The following MAP3K13 variants were observed in gnomAD, a reference collection of about 807,000 sequenced individuals.
MAP3K13 encodes the protein leucine zipper-bearing kinase.
Under a neutral mutation model 104.0 loss-of-function variants are expected in MAP3K13, and 52 were observed. The observed-to-expected ratio is 0.50, with a 90% CI of 0.40 to 0.63. MAP3K13 has a LOEUF of 0.63. MAP3K13 is among the 20% of genes least tolerant of loss of function. The pLI is 0.00. For missense variants in MAP3K13, 914 were observed against 1,218.5 expected, an observed-to-expected ratio of 0.75 and a Z score of 3.72; for synonymous variants, 394 against 442.2, an observed-to-expected ratio of 0.89 and a Z score of 1.37.
intron 1 of MAP3K13, among the ~76,000 whole-genome samples, chr3:185,398,183 C>T (rs1432556282): frequency 6.6e-6 from 1 of 151,996 alleles, no homozygotes; most frequent in Non-Finnish European, 1.5e-5. Context: ...ACAAGCAATG[C>T]TGTCTGTTCT....
chr3:185,352,877 G>A (rs1011168836), intron 2 of MAP3K13, among the ~76,000 whole-genome samples: 13 of 152,210 alleles, frequency 8.5e-5, no homozygotes, highest in African/African-American at 3.1e-4. Flanking sequence ...TGGAACCTAT[G>A]AAGTAAAAGT....
At chr3:185,427,372 G>GA (rs369398926) in intron 1 of MAP3K13, among the ~76,000 whole-genome samples, 312 of 149,724 alleles carry the variant, frequency 2.1e-3, no homozygotes, top group African/African-American at 5.0e-3. Context: ...TCAAAAAAAA[G>GA]AAAAAAAAAC....
At chr3:185,454,943 A>AGATATATATAT (rs1716325973) in intron 7 of MAP3K13, among the ~76,000 whole-genome samples, 1 of 95,942 alleles carries the variant, frequency 1.0e-5, no homozygotes. Flanking sequence ...TATATATATG[A>AGATATATATAT]GATATATATG....
At chr3:185,404,004 TG>T (rs1388581754) in intron 1 of MAP3K13, among the ~76,000 whole-genome samples, 1 of 152,216 alleles carries the variant, frequency 6.6e-6, no homozygotes, top group Non-Finnish European at 1.5e-5. Context: ...CAGATAACAA[TG>T]GGATCATTTA....
chr3:185,471,605 G>T (rs535689887), intron 10 of MAP3K13, among the ~76,000 whole-genome samples: 1 of 151,446 alleles, frequency 6.6e-6, no homozygotes, highest in Non-Finnish European at 1.5e-5. Context: ...GATTACAGGC[G>T]CCCACCACCA....
rs1716507063 is a variant in MAP3K13, at chr3:185,455,451, T to TAC, written c.1278+4057_1278+4058insCA. Among the ~76,000 whole-genome samples, 6 of 117,634 alleles carry TAC rather than the reference T, an allele frequency of 5.1e-5. No individual in the cohort carries two copies. In the East Asian group the frequency reaches 1.1e-3, roughly 22 times the overall value. 77.2% of individuals were successfully genotyped at this position (117,634 alleles called of 152,430 possible). On this transcript the variant is annotated intron_variant, in intron 7 of 13. Coordinates refer to ENST00000265026, the MANE Select transcript of MAP3K13 (RefSeq NM_004721.5). ...ATATATGAGATATATATATGAGATA[T>TAC]ATATCATATATATGAGATATATACA...
chr3:185,285,712 T>C (rs1720484217), intron 2 of MAP3K13: 2 of 1,310,590 alleles, frequency 1.5e-6, no homozygotes, highest in African/African-American at 1.5e-5. Context: ...TAGGAAATTA[T>C]AGGATTGTAA....
chr3:185,335,947 A>C (rs1722485515), intron 2 of MAP3K13, among the ~76,000 whole-genome samples: 1 of 152,064 alleles, frequency 6.6e-6, no homozygotes, highest in African/African-American at 2.4e-5. Context: ...CTATAGTCCT[A>C]GTTCCTAATG....
intron 2 of MAP3K13, among the ~76,000 whole-genome samples, chr3:185,343,274 G>A (rs1185980294): frequency 6.6e-6 from 1 of 152,188 alleles, no homozygotes; most frequent in Non-Finnish European, 1.5e-5. Flanking sequence ...TAAGGATCAT[G>A]AGGGGCACCT....
chr3:185,326,322 A>G (rs1406694292), intron 2 of MAP3K13, among the ~76,000 whole-genome samples: 1 of 152,056 alleles, frequency 6.6e-6, no homozygotes, highest in Non-Finnish European at 1.5e-5. Flanking sequence ...CATATACTTA[A>G]AAGCCTCAAA....
intron 7 of MAP3K13, among the ~76,000 whole-genome samples, chr3:185,459,971 TGTTC>T (rs1233656050): frequency 6.6e-6 from 1 of 152,200 alleles, no homozygotes. Flanking sequence ...GTACAATATT[TGTTC>T]GTTTGTGCCT....
In MAP3K13 at chr3:185,415,573, A is replaced by ATTTTTTTTTTTTTTTTTTTTTTT. The variant is rs34633048; in HGVS notation, c.-85-12921_-85-12920insTTTTTTTTTTTTTTTTTTTTTTT. On this transcript the variant is annotated intron_variant, in intron 1 of 13. Coordinates refer to ENST00000265026, the MANE Select transcript of MAP3K13 (RefSeq NM_004721.5). ...CACAGTATTAAAACCAGAAGGGTTA[A>ATTTTTTTTTTTTTTTTTTTTTTT]TTTCTTTTTTTTTTTTTTTTTTTTT... is the stretch of plus-strand genomic sequence containing the variant. 2.5e-5 allele frequency among the ~76,000 whole-genome samples: 3 copies of ATTTTTTTTTTTTTTTTTTTTTTT among 119,452 alleles called. 1 individual carries two copies. Among genetic ancestry groups the ATTTTTTTTTTTTTTTTTTTTTTT allele is most frequent in the Non-Finnish European group, 5.1e-5 (3 of 59,192 alleles). The allele number at this position is 119,452 out of a possible 152,430, so 78.4% of individuals were successfully genotyped here.
In MAP3K13 at chr3:185,422,532, A is replaced by G. The variant is rs905576111; in HGVS notation, c.-85-5965A>G. ...CTGTTAGAGATAGGAAAAAAATTAC[A>G]AAACAAACATGTGTTTTTCTAACTT... On this transcript the variant is annotated intron_variant, in intron 1 of 13. Transcript: ENST00000265026. 4.6e-5 allele frequency among the ~76,000 whole-genome samples: 7 copies of G among 152,362 alleles called. No homozygotes were observed. The Middle Eastern group carries it at 0.01, about 222-fold the overall frequency.
rs1378554264 is a variant in MAP3K13, at chr3:185,455,056, T to C, written c.1278+3661T>C. Among the ~76,000 whole-genome samples the C allele has an allele frequency of 2.4e-3, 226 of 92,452 alleles. 27 individuals are homozygous for C. The highest frequency in any genetic ancestry group is 0.033 in the Middle Eastern group (2 of 60). The allele number at this position is 92,452 out of a possible 152,430, so 60.7% of individuals were successfully genotyped here. A position where few individuals can be genotyped will look rare whatever the true frequency, so the allele number is the denominator to read the frequency against. Reference sequence around the variant, plus strand: ...ATATATGATATATATATGAGATATATGTGAGATATATATGAGATATATGTG... The same window carrying C: ...ATATATGATATATATATGAGATATACGTGAGATATATATGAGATATATGTG... On this transcript the variant is annotated intron_variant, in intron 7 of 13. Transcript: ENST00000265026.
chr3:185,316,698 G>C (rs1400732313), intron 2 of MAP3K13, among the ~76,000 whole-genome samples: 4 of 152,206 alleles, frequency 2.6e-5, no homozygotes, highest in Admixed American at 2.6e-4. Context: ...AGGAATGGAA[G>C]AGAGAAGTCC....
intron 11 of MAP3K13, among the ~76,000 whole-genome samples, chr3:185,476,033 C>T (rs1046065828): frequency 6.6e-6 from 1 of 152,066 alleles, no homozygotes; most frequent in Non-Finnish European, 1.5e-5. Context: ...TGCTTTTTAT[C>T]CACAGAGCTG....
At chr3:185,383,561 CAA>C (rs34255859) in intron 1 of MAP3K13, among the ~76,000 whole-genome samples, 6,714 of 91,116 alleles carry the variant, frequency 0.074, 203 homozygotes, top group East Asian at 0.23. Flanking sequence ...GACTCTGTCT[CAA>C]AAAAAAAAAA....
intron 2 of MAP3K13, among the ~76,000 whole-genome samples, chr3:185,327,321 A>C (rs1722073212): frequency 6.6e-6 from 1 of 152,194 alleles, no homozygotes. Context: ...CCCATTTCAA[A>C]GTCCTTAAAC....
chr3:185,399,626 C>CGGGGCGGGGGG (rs1452317066), intron 1 of MAP3K13, among the ~76,000 whole-genome samples: 8 of 312 alleles, frequency 0.026, 1 homozygote, highest in Admixed American at 0.056. Flanking sequence ...GAGAGAAAGG[C>CGGGGCGGGGGG]GGGGGGGGGG....
Sources: allele counts gnomAD v4.1 joint callset (sites outside exome capture counted in the v4.1 genomes callset), GRCh38; gene constraint gnomAD v4.1.1; transcripts MANE v1.5; gene names NCBI Gene and HGNC (gene_info 2026-07-23, HGNC 2026-07-21).